The following GHR variants were observed in gnomAD, a reference collection of about 807,000 sequenced individuals.
GHR encodes the protein growth hormone receptor.
A neutral mutation model predicts 67.1 loss-of-function variants in GHR; 35 were observed. The ratio of observed to expected loss-of-function variants is 0.52; its 90% CI spans 0.40 to 0.69. The LOEUF (loss-of-function observed/expected upper bound fraction) is 0.69. Ranked by LOEUF, GHR falls within the 30% of genes least tolerant of loss-of-function variation. The pLI, the probability that GHR is intolerant of heterozygous loss-of-function variation, is 0.00. For missense variants in GHR, 792 were observed against 764.6 expected (o/e 1.04, Z -0.42); for synonymous variants, 272 against 269.1 (o/e 1.01, Z -0.10).
intron 3 of GHR, among the ~76,000 whole-genome samples, chr5:42,655,979 A>C (rs1268291781): frequency 1.3e-5 from 2 of 152,144 alleles, no homozygotes; most frequent in Non-Finnish European, 2.9e-5. Flanking sequence ...CTTCAGTATG[A>C]AGTTTCTTTA....
At chr5:42,534,236 G>A (rs550331863) in intron 1 of GHR, among the ~76,000 whole-genome samples, 11 of 113,468 alleles carry the variant, frequency 9.7e-5, no homozygotes, top group African/African-American at 9.8e-5. Flanking sequence ...ATGTGTATAT[G>A]TGTATATATG....
chr5:42,666,382 A>G (rs988758722), intron 3 of GHR, among the ~76,000 whole-genome samples: 1 of 152,132 alleles, frequency 6.6e-6, no homozygotes, highest in African/African-American at 2.4e-5. Flanking sequence ...TATCTCTTAC[A>G]TTATTTTTTC....
At chr5:42,685,920 T>G (rs975719527) in intron 3 of GHR, among the ~76,000 whole-genome samples, 5 of 152,206 alleles carry the variant, frequency 3.3e-5, no homozygotes, top group Non-Finnish European at 5.9e-5. Flanking sequence ...TAGTTTCTTT[T>G]GCTGTGCAGA....
chr5:42,519,015 G>A (rs545636672), intron 1 of GHR, among the ~76,000 whole-genome samples: 1 of 152,308 alleles, frequency 6.6e-6, no homozygotes, highest in Non-Finnish European at 1.5e-5. Context: ...TGATCTCCCT[G>A]TGCTGGAGTG....
At chr5:42,714,803 C>T (rs1454243827) in intron 8 of GHR, among the ~76,000 whole-genome samples, 1 of 151,934 alleles carries the variant, frequency 6.6e-6, no homozygotes, top group Non-Finnish European at 1.5e-5. Flanking sequence ...TTAAGTAATG[C>T]CAACAACAAA....
chr5:42,560,995 T>C (rs1749576791), intron 1 of GHR, among the ~76,000 whole-genome samples: 1 of 152,238 alleles, frequency 6.6e-6, no homozygotes, highest in Non-Finnish European at 1.5e-5. Context: ...TGTTTTAATC[T>C]GGTCCTACCT....
At chr5:42,554,815 A>G (rs895644264) in intron 1 of GHR, among the ~76,000 whole-genome samples, 9 of 152,220 alleles carry the variant, frequency 5.9e-5, no homozygotes, top group Non-Finnish European at 1.0e-4. Context: ...ATTTGAATAT[A>G]TTGAGTTAAA....
At chr5:42,603,995 T>G (rs567407743) in intron 2 of GHR, among the ~76,000 whole-genome samples, 4 of 152,212 alleles carry the variant, frequency 2.6e-5, no homozygotes, top group Non-Finnish European at 5.9e-5. Flanking sequence ...CAAGAGTGGC[T>G]CATGGAACTT....
intron 1 of GHR, chr5:42,465,756 A>G: frequency 1.1e-6 from 1 of 902,662 alleles, no homozygotes; most frequent in Non-Finnish European, 1.9e-6. Context: ...TTGCCACGAG[A>G]ATCAAATCCA....
rs148959523 is a variant in GHR at position 42,473,165 on chromosome 5, A to G, written c.-12+49210A>G. Among the ~76,000 whole-genome samples the G allele has an allele frequency of 3.0e-4, 45 of 152,336 alleles. No homozygotes were observed. The East Asian group carries it at 7.9e-3, about 27-fold the overall frequency. ...GAATTCACCCTAACTGGGTGAATTC[A>G]TGGCAGTGATCAGTAGAATATGTAG... On this transcript the variant is annotated intron_variant, in intron 1 of 9. Coordinates refer to ENST00000230882, the MANE Select transcript of GHR (RefSeq NM_000163.5).
chr5:42,488,635 C>A (rs1191070264), intron 1 of GHR, among the ~76,000 whole-genome samples: 1 of 152,016 alleles, frequency 6.6e-6, no homozygotes, highest in South Asian at 2.1e-4. Flanking sequence ...GAAGACCTAC[C>A]AAATATTTCA....
rs771558928 is a variant in GHR at position 42,719,336 on chromosome 5, A to G, written c.1829A>G (p.Asn610Ser). ...CAGTCCCCACAGGGCCTCATACTCA[A>G]TGCGACTGCCTTGCCCTTGCCTGAC... ...IVQSPQGLIL[N>S]ATALPLPDKE... The change falls in exon 10 of 10, where the codon AAT becomes AGT. Residue 610 changes from asparagine (N) to serine (S), a missense_variant. Physicochemically the swap from Asn to Ser is conservative, Grantham distance 46 (BLOSUM62 1). Coordinates refer to ENST00000230882, the MANE Select transcript of GHR (RefSeq NM_000163.5). 30 of 1,614,126 alleles carry G rather than the reference A, an allele frequency of 1.9e-5. No individual in the cohort carries two copies. The South Asian group carries it at 3.1e-4, about 17-fold the overall frequency.
At chr5:42,610,473 G>A (rs908463873) in intron 2 of GHR, among the ~76,000 whole-genome samples, 2 of 152,174 alleles carry the variant, frequency 1.3e-5, no homozygotes, top group Non-Finnish European at 2.9e-5. Context: ...TTCTCAAGAT[G>A]TTGTGATTCT....
intron 2 of GHR, among the ~76,000 whole-genome samples, chr5:42,608,105 G>C (rs1017424070): frequency 2.0e-5 from 3 of 152,048 alleles, no homozygotes; most frequent in Non-Finnish European, 4.4e-5. Context: ...TCATCTCCTT[G>C]AGCCCCAGTT....
At position 42,610,221 on chromosome 5, in the gene GHR, G is replaced by T. The variant is rs191929022; in HGVS notation, c.71-18817G>T. Among the ~76,000 whole-genome samples, 265 of 152,274 alleles carry T rather than the reference G, an allele frequency of 1.7e-3. 1 individual carries two copies. The highest frequency in any genetic ancestry group is 6.2e-3 in the African/African-American group (256 of 41,536). On this transcript the variant is annotated intron_variant, in intron 2 of 9. Coordinates refer to ENST00000230882, the MANE Select transcript of GHR (RefSeq NM_000163.5). ...TGTCCTGGATGCCAAGACTAGCTGT[G>T]TTCTTGCAGCTGCTGGCTCCTCCTT...
intron 8 of GHR, 87 bp from the exon 9 acceptor site, chr5:42,717,965 T>C (rs1206653412): frequency 5.4e-6 from 4 of 745,222 alleles, no homozygotes; most frequent in African/African-American, 5.2e-5. Flanking sequence ...AGTAATAGTA[T>C]TGCCAATATT....
At chr5:42,626,351 G>A (rs1753703562) in intron 2 of GHR, among the ~76,000 whole-genome samples, 3 of 152,114 alleles carry the variant, frequency 2.0e-5, no homozygotes, top group Admixed American at 2.0e-4. Context: ...TCCCCCTCCG[G>A]TTTGATAATT....
At chr5:42,677,631 G>T (rs1481201268) in intron 3 of GHR, among the ~76,000 whole-genome samples, 1 of 152,086 alleles carries the variant, frequency 6.6e-6, no homozygotes, top group Non-Finnish European at 1.5e-5. Flanking sequence ...CTCTCAACCC[G>T]CAACCAACAG....
intron 6 of GHR, among the ~76,000 whole-genome samples, chr5:42,705,773 C>T (rs936799826): frequency 3.3e-5 from 5 of 152,064 alleles, no homozygotes; most frequent in African/African-American, 9.7e-5. Flanking sequence ...CCATGGTGTA[C>T]ATATACCACA....
Sources: allele counts gnomAD v4.1 joint callset (sites outside exome capture counted in the v4.1 genomes callset), GRCh38; gene constraint gnomAD v4.1.1; transcripts MANE v1.5; gene names NCBI Gene and HGNC (gene_info 2026-07-23, HGNC 2026-07-21).